LDB2: variants seen among roughly 807,000 people sequenced by gnomAD.
LDB2 encodes the protein LIM domain binding 2.
LDB2 carries 12 observed loss-of-function variants against 44.3 expected under a neutral mutation model. That is an observed-to-expected ratio of 0.27 (90% confidence interval 0.17 to 0.44). LDB2 has a LOEUF of 0.44. Ranked by LOEUF, LDB2 falls within the 20% of genes least tolerant of loss-of-function variation. The pLI is 1.00. For missense variants in LDB2, 344 were observed against 473.5 expected (o/e 0.73, Z 2.54); for synonymous variants, 164 against 174.8 (o/e 0.94, Z 0.49).
chr4:16,697,342 C>T (rs1338243841), intron 2 of LDB2, among the ~76,000 whole-genome samples: 1 of 150,984 alleles, frequency 6.6e-6, no homozygotes, highest in Non-Finnish European at 1.5e-5. Flanking sequence ...GTAGTCCCAG[C>T]TACTAGGGAG....
intron 5 of LDB2, among the ~76,000 whole-genome samples, chr4:16,566,989 G>A (rs1193670489): frequency 1.3e-5 from 2 of 152,268 alleles, no homozygotes; most frequent in East Asian, 3.9e-4. Flanking sequence ...ATAACTTCTA[G>A]TTCTTGAAAA....
rs542804539 is a variant in LDB2, at chr4:16,843,805, T to C, written c.132+54549A>G. Reference sequence around the variant, plus strand: ...CCCAGCTAATTTTTTGTATGTTTAGTAGAGACAGGGTTTCACCATGTTGGC... The same window carrying C: ...CCCAGCTAATTTTTTGTATGTTTAGCAGAGACAGGGTTTCACCATGTTGGC... On this transcript the variant is annotated intron_variant, in intron 1 of 7. Coordinates refer to ENST00000304523, the MANE Select transcript of LDB2 (RefSeq NM_001290.5). Among the ~76,000 whole-genome samples, 313 of 152,166 alleles carry C rather than the reference T, an allele frequency of 2.1e-3. 2 individuals carry two copies. The highest frequency in any genetic ancestry group is 7.1e-3 in the African/African-American group (295 of 41,530).
intron 1 of LDB2, among the ~76,000 whole-genome samples, chr4:16,842,729 A>T (rs1786113959): frequency 6.6e-6 from 1 of 152,138 alleles, no homozygotes; most frequent in African/African-American, 2.4e-5. Flanking sequence ...CAGCGTTTGG[A>T]TTCACATTTT....
chr4:16,620,505 G>C (rs1169741397), intron 2 of LDB2, among the ~76,000 whole-genome samples: 1 of 152,160 alleles, frequency 6.6e-6, no homozygotes. Context: ...GCCAGGGAAT[G>C]TTTTTCTTGA....
intron 1 of LDB2, among the ~76,000 whole-genome samples, chr4:16,776,936 AG>A (rs1377734285): frequency 1.3e-5 from 2 of 152,212 alleles, no homozygotes; most frequent in Non-Finnish European, 2.9e-5. Flanking sequence ...TAGGGTGTTC[AG>A]CAGCATCTCT....
intron 5 of LDB2, among the ~76,000 whole-genome samples, chr4:16,568,429 C>G (rs1333728033): frequency 6.6e-6 from 1 of 152,158 alleles, no homozygotes; most frequent in South Asian, 2.1e-4. Context: ...TGAGGGATGT[C>G]TGTTTTTGCA....
At chr4:16,522,046 C>G (rs1726305449) in intron 5 of LDB2, among the ~76,000 whole-genome samples, 1 of 152,052 alleles carries the variant, frequency 6.6e-6, no homozygotes, top group African/African-American at 2.4e-5. Context: ...GTCTCCCCAT[C>G]GGCAAGATTG....
intron 1 of LDB2, among the ~76,000 whole-genome samples, chr4:16,877,580 GA>G (rs1439065006): frequency 6.6e-6 from 1 of 152,182 alleles, no homozygotes; most frequent in Non-Finnish European, 1.5e-5. Context: ...CACTGTTAGA[GA>G]TCCACAGAGA....
chr4:16,705,338 A>G (rs1197020579), intron 2 of LDB2, among the ~76,000 whole-genome samples: 1 of 151,948 alleles, frequency 6.6e-6, no homozygotes, highest in Non-Finnish European at 1.5e-5. Flanking sequence ...TTTTTCACCT[A>G]TTGAAGTTGG....
At chr4:16,611,454 G>T (rs879680053) in intron 2 of LDB2, among the ~76,000 whole-genome samples, 1 of 151,696 alleles carries the variant, frequency 6.6e-6, no homozygotes, top group Non-Finnish European at 1.5e-5. Context: ...TTAGTGCGCT[G>T]TATTCAGGAG....
At chr4:16,867,247 G>A (rs566836600) in intron 1 of LDB2, among the ~76,000 whole-genome samples, 1 of 152,236 alleles carries the variant, frequency 6.6e-6, no homozygotes, top group Admixed American at 6.5e-5. Flanking sequence ...GCTAACCTGC[G>A]GAGCCCTGCC....
intron 1 of LDB2, among the ~76,000 whole-genome samples, chr4:16,872,587 C>T (rs760816020): frequency 6.6e-6 from 1 of 152,110 alleles, no homozygotes; most frequent in East Asian, 1.9e-4. Flanking sequence ...AAAGCAGATA[C>T]TTAACAACAA....
At chr4:16,682,431 G>A (rs1433518094) in intron 2 of LDB2, among the ~76,000 whole-genome samples, 3 of 152,150 alleles carry the variant, frequency 2.0e-5, no homozygotes, top group African/African-American at 7.2e-5. Context: ...CCTCCTCACA[G>A]CCCACTGAGC....
chr4:16,728,238 G>C (rs1759956240), intron 2 of LDB2, among the ~76,000 whole-genome samples: 1 of 152,150 alleles, frequency 6.6e-6, no homozygotes, highest in Non-Finnish European at 1.5e-5. Context: ...CTGTAGAAAA[G>C]CTTGGGGAGG....
chr4:16,659,989 T>C (rs1041008202), intron 2 of LDB2, among the ~76,000 whole-genome samples: 1 of 152,188 alleles, frequency 6.6e-6, no homozygotes, highest in Non-Finnish European at 1.5e-5. Context: ...CCAGTGGATG[T>C]CAGCAAGAGA....
intron 2 of LDB2, among the ~76,000 whole-genome samples, chr4:16,661,738 A>G (rs1741650255): frequency 6.6e-6 from 1 of 152,206 alleles, no homozygotes; most frequent in Non-Finnish European, 1.5e-5. Flanking sequence ...ATTTTGAATG[A>G]CTGAATGAAT....
intron 5 of LDB2, among the ~76,000 whole-genome samples, chr4:16,562,459 G>GA (rs1443167009): frequency 3.3e-5 from 5 of 152,164 alleles, no homozygotes. Flanking sequence ...ACAGACACAT[G>GA]AAAAAATGCT....
intron 1 of LDB2, among the ~76,000 whole-genome samples, chr4:16,763,475 C>CACACACACACAG (rs369097355): frequency 6.6e-6 from 1 of 151,038 alleles, no homozygotes; most frequent in Non-Finnish European, 1.5e-5. Context: ...CACACACACA[C>CACACACACACAG]AGAGTTTTTG....
Position 16,852,859 on chromosome 4 carries a change from A to G in LDB2, c.132+45495T>C, listed in dbSNP as rs530047594. On this transcript the variant is annotated intron_variant, in intron 1 of 7. Coordinates refer to ENST00000304523, the MANE Select transcript of LDB2 (RefSeq NM_001290.5). ...AGTAATAGTGGTTACTGTACCCTGGATCTCATATAAATATTGAAGTAAGTT... is the reference window on the plus strand; with the variant it reads ...AGTAATAGTGGTTACTGTACCCTGGGTCTCATATAAATATTGAAGTAAGTT... Among the ~76,000 whole-genome samples, 4 of 152,274 alleles carry G rather than the reference A, an allele frequency of 2.6e-5. No individual in the cohort carries two copies. The East Asian group carries it at 7.7e-4, about 29-fold the overall frequency.
Sources: gnomAD v4.1 joint callset for allele counts (sites outside exome capture counted in the v4.1 genomes callset) on GRCh38, gnomAD v4.1.1 for gene constraint, MANE v1.5 for transcripts, NCBI Gene and HGNC (gene_info 2026-07-23, HGNC 2026-07-21) for gene names.